The following SNX8 variants were observed in gnomAD, a reference collection of about 807,000 sequenced individuals.
SNX8 encodes the protein sorting nexin 8, also known as sorting nexin-8.
Under a neutral mutation model 51.6 loss-of-function variants are expected in SNX8, and 25 were observed. The observed-to-expected ratio is 0.48, with a 90% CI of 0.35 to 0.68. The LOEUF (loss-of-function observed/expected upper bound fraction) is 0.68. SNX8 is among the 30% of genes least tolerant of loss of function. The probability of loss-of-function intolerance (pLI) is 0.00; values close to 1 mark genes in which losing one functional copy is unlikely to be tolerated. For synonymous variants in SNX8, 324 were observed against 277.0 expected (o/e 1.17, Z -1.68); for missense variants, 695 against 624.0 (o/e 1.11, Z -1.21).
chr7:2,301,975 G>T (rs1584720081), intron 1 of SNX8, among the ~76,000 whole-genome samples: 1 of 152,254 alleles, frequency 6.6e-6, no homozygotes, highest in East Asian at 1.9e-4. Context: ...AGGCGCGGTG[G>T]CTCACACCTG....
intron 1 of SNX8, among the ~76,000 whole-genome samples, chr7:2,311,154 A>C (rs936649330): frequency 6.6e-6 from 1 of 152,208 alleles, no homozygotes; most frequent in African/African-American, 2.4e-5. Flanking sequence ...AAAGTACAAC[A>C]AGCACATTTT....
intron 1 of SNX8, among the ~76,000 whole-genome samples, chr7:2,309,579 A>C (rs766958002): frequency 6.6e-6 from 1 of 152,048 alleles, no homozygotes; most frequent in African/African-American, 2.4e-5. Flanking sequence ...TGAAAATACA[A>C]AATTAGCCAG....
intron 1 of SNX8, among the ~76,000 whole-genome samples, chr7:2,340,729 T>C (rs1382809955): frequency 1.3e-5 from 2 of 150,832 alleles, no homozygotes; most frequent in East Asian, 3.9e-4. Flanking sequence ...CAGTGGCGTA[T>C]GTGTGTACTC....
intron 7 of SNX8, among the ~76,000 whole-genome samples, chr7:2,259,860 G>C (rs903451462): frequency 6.6e-6 from 1 of 152,188 alleles, no homozygotes; most frequent in Non-Finnish European, 1.5e-5. Flanking sequence ...CTGTGGTTCA[G>C]TGCTGCACAA....
At chr7:2,259,464 G>A (rs994915382) in intron 7 of SNX8, among the ~76,000 whole-genome samples, 5 of 152,204 alleles carry the variant, frequency 3.3e-5, no homozygotes, top group South Asian at 4.1e-4. Flanking sequence ...AGCAGGAGAC[G>A]GGGCAGGCAG....
At chr7:2,280,268 T>G (rs1301706113) in intron 1 of SNX8, among the ~76,000 whole-genome samples, 1 of 152,140 alleles carries the variant, frequency 6.6e-6, no homozygotes, top group African/African-American at 2.4e-5. Context: ...GTTTAAAAAG[T>G]CAGTTTGGTT....
At position 2,314,424 on chromosome 7, in the gene SNX8, G is replaced by A. The variant is rs1423351607; in HGVS notation, c.-3C>T. On this transcript the variant is annotated 5_prime_UTR_variant, in exon 1 of 11. Coordinates refer to ENST00000222990, the MANE Select transcript of SNX8 (RefSeq NM_013321.4). ...GGGTCCATCGCGCGGCCAGTCATGT[G>A]AGCCCGCGCTCCCACGTGACTTCCT... 1.6e-6 allele frequency: 2 copies of A among 1,214,514 alleles called. No homozygotes were observed. The highest frequency in any genetic ancestry group is 1.6e-5 in the African/African-American group (1 of 63,586). 75.2% of individuals were successfully genotyped at this position (1,214,514 alleles called of 1,614,324 possible). A position where few individuals can be genotyped will look rare whatever the true frequency, so the allele number is the denominator to read the frequency against.
At chr7:2,304,610 A>G (rs1796506329) in intron 1 of SNX8, among the ~76,000 whole-genome samples, 1 of 152,040 alleles carries the variant, frequency 6.6e-6, no homozygotes, top group Admixed American at 6.6e-5. Flanking sequence ...CTCACTGAGT[A>G]GCCCACCTTG....
chr7:2,325,320 T>C (rs567638245), intron 1 of SNX8, among the ~76,000 whole-genome samples: 1 of 152,246 alleles, frequency 6.6e-6, no homozygotes, highest in African/African-American at 2.4e-5. Context: ...GGAAAAGTTT[T>C]GAGGTGGATA....
rs147958166 is a variant in SNX8, at chr7:2,256,946, G to T, written c.1212C>A (p.Ile404=). 1.4e-4 allele frequency: 223 copies of T among 1,613,614 alleles called. No individual in the cohort carries two copies. Among genetic ancestry groups the T allele is most frequent in the Non-Finnish European group, 1.6e-4 (187 of 1,179,898 alleles). ...LYCLHQETQL[I]HVYLPLTSHI... ...GGGAGGTGAGGGGCAGGTAGACGTG[G>T]ATGAGCTGCGTCTCCTGGTGCAGGC... is the stretch of plus-strand genomic sequence containing the variant. Residue 404 remains isoleucine (I), a synonymous_variant, in exon 10 of 11, where the codon ATC becomes ATA. Transcript: ENST00000222990.
intron 1 of SNX8, among the ~76,000 whole-genome samples, chr7:2,292,481 G>A (rs971994331): frequency 2.6e-5 from 4 of 150,962 alleles, no homozygotes; most frequent in East Asian, 2.0e-4. Flanking sequence ...GCGCGATCTC[G>A]GCTCACTGCA....
At chr7:2,270,493 C>T (rs1043099385) in intron 4 of SNX8, among the ~76,000 whole-genome samples, 1 of 151,698 alleles carries the variant, frequency 6.6e-6, no homozygotes, top group Non-Finnish European at 1.5e-5. Flanking sequence ...AAACTGAGGC[C>T]GGGAAGTGAC....
rs201285541 is a variant in SNX8 at position 2,257,488 on chromosome 7, G to T, written c.1011C>A (p.Gly337=). The part of the protein sequence containing the change: ...YKDLCERHEK[G]VLHKHQRALH... ...GGGCCCGCTGGTGCTTGTGCAACACGCCCTTCTCATGCCGCTCGCACAGGT... is the reference window on the plus strand; with the variant it reads ...GGGCCCGCTGGTGCTTGTGCAACACTCCCTTCTCATGCCGCTCGCACAGGT... Residue 337 remains glycine (G), a synonymous_variant, in exon 9 of 11, where the codon GGC becomes GGA. Transcript: ENST00000222990. 40 of 1,605,312 alleles carry T rather than the reference G, an allele frequency of 2.5e-5. No homozygotes were observed. Among genetic ancestry groups the T allele is most frequent in the Non-Finnish European group, 3.4e-5 (40 of 1,177,940 alleles).
chr7:2,260,558 C>T (rs1795312173), intron 7 of SNX8, among the ~76,000 whole-genome samples: 1 of 152,154 alleles, frequency 6.6e-6, no homozygotes, highest in South Asian at 2.1e-4. Flanking sequence ...TACTCCGAGT[C>T]TCACGTGTCT....
intron 1 of SNX8, among the ~76,000 whole-genome samples, chr7:2,279,749 T>C (rs1390825337): frequency 3.7e-5 from 5 of 133,572 alleles, no homozygotes; most frequent in Non-Finnish European, 6.2e-5. Context: ...TGAGACCCTG[T>C]CTCAAAAAAA....
In SNX8 at chr7:2,257,348, G is replaced by C; in HGVS notation, c.1134+17C>G. ...GGAAAGGCTCCCACGGGCCTGCTCGGCCGCCCCGCCACCCACCTCCACAAT... is the reference window on the plus strand; with the variant it reads ...GGAAAGGCTCCCACGGGCCTGCTCGCCCGCCCCGCCACCCACCTCCACAAT... On this transcript the variant is annotated intron_variant, in intron 9 of 10. Transcript: ENST00000222990. 6.3e-7 allele frequency: 1 copy of C among 1,598,904 alleles called. No homozygotes were observed. Among genetic ancestry groups the C allele is most frequent in the Non-Finnish European group, 8.5e-7 (1 of 1,177,522 alleles).
intron 4 of SNX8, among the ~76,000 whole-genome samples, chr7:2,270,600 C>A (rs1482261588): frequency 6.6e-6 from 1 of 152,162 alleles, no homozygotes; most frequent in African/African-American, 2.4e-5. Flanking sequence ...CCCACCGCCC[C>A]TCCCAGGTCC....
chr7:2,313,511 G>A (rs1796700202), intron 1 of SNX8, among the ~76,000 whole-genome samples: 1 of 142,560 alleles, frequency 7.0e-6, no homozygotes, highest in Non-Finnish European at 1.5e-5. Flanking sequence ...GAGTGACAGT[G>A]AGAATCTGTC....
intron 5 of SNX8, among the ~76,000 whole-genome samples, chr7:2,266,642 GCC>G (rs1795471248): frequency 6.6e-6 from 1 of 152,014 alleles, no homozygotes; most frequent in Non-Finnish European, 1.5e-5. Flanking sequence ...ACCACGCCCG[GCC>G]GGTTTTTTGG....
Sources: gnomAD v4.1 joint callset for allele counts (sites outside exome capture counted in the v4.1 genomes callset) on GRCh38, gnomAD v4.1.1 for gene constraint, MANE v1.5 for transcripts, NCBI Gene and HGNC (gene_info 2026-07-23, HGNC 2026-07-21) for gene names.